The following MCCC2 variants were observed in gnomAD, a reference collection of about 807,000 sequenced individuals.
MCCC2 encodes methylcrotonoyl-CoA carboxylase beta chain, mitochondrial.
MCCC2 carries 52 observed loss-of-function variants against 77.2 expected under a neutral mutation model. The ratio of observed to expected loss-of-function variants is 0.67; its 90% CI spans 0.54 to 0.85. The LOEUF (loss-of-function observed/expected upper bound fraction) is 0.85, where lower values mean the gene tolerates loss of function less well. MCCC2 is among the 40% of genes least tolerant of loss of function. The pLI, the probability that MCCC2 is intolerant of heterozygous loss-of-function variation, is 0.00. For synonymous variants in MCCC2, 253 were observed against 248.4 expected, an observed-to-expected ratio of 1.02 and a Z score of -0.18; for missense variants, 682 against 703.2, an observed-to-expected ratio of 0.97 and a Z score of 0.34.
chr5:71,616,914 G>T (rs1746172480), intron 6 of MCCC2, among the ~76,000 whole-genome samples: 3 of 152,120 alleles, frequency 2.0e-5, no homozygotes, highest in Non-Finnish European at 4.4e-5. Flanking sequence ...TCAGGCCTTT[G>T]TTACCACTAG....
chr5:71,610,337 G>A (rs2112355254), intron 6 of MCCC2, among the ~76,000 whole-genome samples: 1 of 152,284 alleles, frequency 6.6e-6, no homozygotes, highest in East Asian at 1.9e-4. Context: ...TTTTCCAGGT[G>A]CGTCCGTCAC....
At chr5:71,599,359 G>T (rs1745333761) in intron 3 of MCCC2, among the ~76,000 whole-genome samples, 3 of 151,984 alleles carry the variant, frequency 2.0e-5, no homozygotes, top group Non-Finnish European at 4.4e-5. Context: ...GACAGGGCAA[G>T]ACTCCATCTC....
At position 71,633,126 on chromosome 5, in the gene MCCC2, TATATA is replaced by T. The variant is rs1561841435; in HGVS notation, c.803+942_803+946del. On this transcript the variant is annotated intron_variant, in intron 8 of 16. Transcript: ENST00000340941. ...ATATATATATATATATATATATATATATATATTTTTATTTTTTGTAGAAACAGGTG... is the reference window on the plus strand; with the variant it reads ...ATATATATATATATATATATATATATTTTTTATTTTTTGTAGAAACAGGTG... 7.0e-4 allele frequency among the ~76,000 whole-genome samples: 59 copies of T among 83,994 alleles called. 1 individual carries two copies. Among genetic ancestry groups the T allele is most frequent in the South Asian group, 2.5e-3 (6 of 2,380 alleles). 55.1% of individuals were successfully genotyped at this position (83,994 alleles called of 152,430 possible). A position where few individuals can be genotyped will look rare whatever the true frequency, so the allele number is the denominator to read the frequency against.
Position 71,587,422 on chromosome 5 carries a change from C to T in MCCC2, c.-4C>T, listed in dbSNP as rs752630104. ...GGCCGCTCTCTCGCTCGGTGCCCGC[C>T]GCCATGTGGGCCGTCCTGAGGTTAG... On this transcript the variant is annotated 5_prime_UTR_variant, in exon 1 of 17. Coordinates refer to ENST00000340941, the MANE Select transcript of MCCC2 (RefSeq NM_022132.5). 3 of 1,533,878 alleles carry T rather than the reference C, an allele frequency of 2.0e-6. No homozygotes were observed. Among genetic ancestry groups the T allele is most frequent in the Non-Finnish European group, 2.6e-6 (3 of 1,146,090 alleles).
At chr5:71,590,491 T>G (rs1744930387) in intron 1 of MCCC2, among the ~76,000 whole-genome samples, 1 of 152,204 alleles carries the variant, frequency 6.6e-6, no homozygotes, top group Admixed American at 6.5e-5. Flanking sequence ...CCTTCTGCCA[T>G]TGATTTCTAG....
At chr5:71,637,993 T>A (rs902785373) in intron 10 of MCCC2, among the ~76,000 whole-genome samples, 2 of 152,090 alleles carry the variant, frequency 1.3e-5, no homozygotes, top group Admixed American at 6.5e-5. Context: ...ATTACAGGCA[T>A]CACCCACCGC....
At chr5:71,636,906 G>T (rs1746952516) in intron 10 of MCCC2, among the ~76,000 whole-genome samples, 1 of 151,554 alleles carries the variant, frequency 6.6e-6, no homozygotes, top group South Asian at 2.1e-4. Flanking sequence ...ACCATACCTG[G>T]CTAATTTTTG....
chr5:71,605,052 GT>G (rs143619648), intron 6 of MCCC2, among the ~76,000 whole-genome samples: 31,855 of 96,896 alleles, frequency 0.33, 5,397 homozygotes, highest in Middle Eastern at 0.39. Flanking sequence ...ACGTGTGCAT[GT>G]GTCTTTATAG....
At chr5:71,643,418 A>T (rs945848832) in intron 11 of MCCC2, among the ~76,000 whole-genome samples, 1 of 152,156 alleles carries the variant, frequency 6.6e-6, no homozygotes, top group African/African-American at 2.4e-5. Flanking sequence ...GCTTATCAGT[A>T]TGTTGATACT....
At chr5:71,622,765 G>A (rs1046843381) in intron 6 of MCCC2, among the ~76,000 whole-genome samples, 1 of 152,186 alleles carries the variant, frequency 6.6e-6, no homozygotes, top group Admixed American at 6.5e-5. Context: ...TTAGCCTCCT[G>A]AGTAGCTGGG....
At chr5:71,644,697 T>C (rs1747231243) in intron 12 of MCCC2, among the ~76,000 whole-genome samples, 1 of 152,150 alleles carries the variant, frequency 6.6e-6, no homozygotes, top group African/African-American at 2.4e-5. Context: ...TTAGTATTGC[T>C]TTTTCTCTTG....
intron 14 of MCCC2, among the ~76,000 whole-genome samples, chr5:71,649,850 T>A (rs1165371841): frequency 6.6e-6 from 1 of 152,188 alleles, no homozygotes; most frequent in Admixed American, 6.5e-5. Context: ...ATACCCAGAA[T>A]TACATGGAGA....
At chr5:71,604,726 C>T (rs1318253383) in intron 6 of MCCC2, among the ~76,000 whole-genome samples, 2 of 151,236 alleles carry the variant, frequency 1.3e-5, no homozygotes, top group African/African-American at 4.9e-5. Context: ...TGCTATCCCT[C>T]CCCGCTCCCC....
rs960132738 is a variant in MCCC2 at position 71,587,340 on chromosome 5, A to G, written c.-86A>G. On this transcript the variant is annotated 5_prime_UTR_variant, in exon 1 of 17. Transcript: ENST00000340941. ...TCTGGGGCTGCAAGGACCTGAGCTCAGCTTCCGCCCCAGCCAGGGAAGCGG... is the reference window on the plus strand; with the variant it reads ...TCTGGGGCTGCAAGGACCTGAGCTCGGCTTCCGCCCCAGCCAGGGAAGCGG... 21 of 1,500,932 alleles carry G rather than the reference A, an allele frequency of 1.4e-5. No individual in the cohort carries two copies. In the African/African-American group the frequency reaches 2.1e-4, roughly 15 times the overall value. The allele number at this position is 1,500,932 out of a possible 1,614,324, so 93.0% of individuals were successfully genotyped here.
intron 6 of MCCC2, among the ~76,000 whole-genome samples, chr5:71,620,908 C>T (rs1042810800): frequency 6.6e-6 from 1 of 152,198 alleles, no homozygotes; most frequent in Non-Finnish European, 1.5e-5. Context: ...GCCCATCTCA[C>T]TGGTGACTGG....
Position 71,596,266 on chromosome 5 carries a change from C to T in MCCC2, c.197-14C>T, listed in dbSNP as rs776960872. ...GTGTCAATCTAATCTAATCTAATCA[C>T]ATTTCTATCATAGGAGGTGGTGAGA... On this transcript the variant is annotated splice_polypyrimidine_tract_variant and intron_variant, in intron 2 of 16. Transcript: ENST00000340941. 6.2e-7 allele frequency: 1 copy of T among 1,609,614 alleles called. No individual in the cohort carries two copies.
chr5:71,637,684 G>A (rs1746976592), intron 10 of MCCC2, among the ~76,000 whole-genome samples: 1 of 152,152 alleles, frequency 6.6e-6, no homozygotes, highest in South Asian at 2.1e-4. Flanking sequence ...ATTCTCTGTA[G>A]TATGCAATAC....
chr5:71,626,904 G>T, intron 7 of MCCC2, 151 bp downstream of exon 7: 1 of 752,146 alleles, frequency 1.3e-6, no homozygotes, highest in Non-Finnish European at 2.3e-6. Context: ...GTACAGCTTG[G>T]TGACGTTTAG....
chr5:71,631,538 C>CTTTTT (rs544704315), intron 7 of MCCC2, among the ~76,000 whole-genome samples: 2 of 128,322 alleles, frequency 1.6e-5, no homozygotes, highest in African/African-American at 2.9e-5. Context: ...GGTCTTTCTT[C>CTTTTT]TTTTTTTTTT....
Sources: gnomAD v4.1 joint callset for allele counts (sites outside exome capture counted in the v4.1 genomes callset) on GRCh38, gnomAD v4.1.1 for gene constraint, MANE v1.5 for transcripts, NCBI Gene and HGNC (gene_info 2026-07-23, HGNC 2026-07-21) for gene names.